FSHR: variants seen among roughly 807,000 people sequenced by gnomAD.
FSHR encodes follicle-stimulating hormone receptor.
FSHR carries 46 observed loss-of-function variants against 52.1 expected under a neutral mutation model. The observed-to-expected ratio is 0.88, with a 90% CI of 0.70 to 1.13. FSHR has a LOEUF of 1.13. Ranked by LOEUF, FSHR falls within the 50% of genes most tolerant of loss-of-function variation. The pLI, the probability that FSHR is intolerant of heterozygous loss-of-function variation, is 0.00. For synonymous variants in FSHR, 399 were observed against 309.6 expected (o/e 1.29, Z -3.03); for missense variants, 964 against 834.6 (o/e 1.16, Z -1.91).
chr2:49,056,345 A>G (rs1227009771), intron 2 of FSHR, among the ~76,000 whole-genome samples: 12 of 151,826 alleles, frequency 7.9e-5, no homozygotes, highest in Admixed American at 1.3e-4. Context: ...CTATACTTAC[A>G]TCAGAAAAAC....
chr2:49,014,458 C>G (rs1667408508), intron 4 of FSHR, among the ~76,000 whole-genome samples: 1 of 151,302 alleles, frequency 6.6e-6, no homozygotes, highest in African/African-American at 2.5e-5. Context: ...GAGGCAAAGG[C>G]ATAGCTCTGT....
rs541054287 is a variant in FSHR at position 49,145,009 on chromosome 2, A to C, written c.152+9257T>G. The stretch of plus-strand genomic sequence containing the variant: ...TTTTTGGAGGGCTATGGCCTTTGTT[A>C]AGATTAGCTCTGGTCTTTTACTAGA... On this transcript the variant is annotated intron_variant, in intron 1 of 9. Coordinates refer to ENST00000406846, the MANE Select transcript of FSHR (RefSeq NM_000145.4). 2.0e-5 allele frequency among the ~76,000 whole-genome samples: 3 copies of C among 152,190 alleles called. No homozygotes were observed. The South Asian group carries it at 6.2e-4, about 32-fold the overall frequency.
At chr2:48,984,713 G>C (rs371881154) in intron 6 of FSHR, among the ~76,000 whole-genome samples, 1 of 151,944 alleles carries the variant, frequency 6.6e-6, no homozygotes, top group East Asian at 1.9e-4. Flanking sequence ...TTGGCCTCTG[G>C]GTTATATGTA....
chr2:49,025,307 C>G (rs1040369371), intron 2 of FSHR, among the ~76,000 whole-genome samples: 1 of 152,106 alleles, frequency 6.6e-6, no homozygotes, highest in African/African-American at 2.4e-5. Flanking sequence ...TAAAATGGAT[C>G]CTTGGTTCAT....
chr2:49,080,972 G>C (rs1413504545), intron 1 of FSHR, among the ~76,000 whole-genome samples: 1 of 152,132 alleles, frequency 6.6e-6, no homozygotes. Flanking sequence ...ATTCAAACTA[G>C]CCAATCTTAA....
chr2:49,054,648 G>A (rs909392949), intron 2 of FSHR, among the ~76,000 whole-genome samples: 3 of 152,100 alleles, frequency 2.0e-5, no homozygotes, highest in Non-Finnish European at 4.4e-5. Context: ...GTTGGCCAAC[G>A]CACTGTGTGC....
intron 9 of FSHR, among the ~76,000 whole-genome samples, chr2:48,967,316 C>G (rs766129642): frequency 5.3e-5 from 8 of 152,096 alleles, no homozygotes; most frequent in Non-Finnish European, 1.2e-4. Context: ...CCAGGCTGGT[C>G]TCAAACTCCT....
intron 2 of FSHR, among the ~76,000 whole-genome samples, chr2:49,031,266 T>C (rs753046859): frequency 3.3e-5 from 5 of 152,308 alleles, no homozygotes; most frequent in African/African-American, 7.2e-5. Context: ...TGTACCCCTA[T>C]TGATGTGTAT....
At chr2:49,144,674 C>T (rs1672807446) in intron 1 of FSHR, among the ~76,000 whole-genome samples, 1 of 152,100 alleles carries the variant, frequency 6.6e-6, no homozygotes, top group Admixed American at 6.6e-5. Flanking sequence ...GCACTGCTTG[C>T]CCACAAAACA....
chr2:49,114,969 T>C (rs1163116488), intron 1 of FSHR, among the ~76,000 whole-genome samples: 1 of 151,786 alleles, frequency 6.6e-6, no homozygotes, highest in Admixed American at 6.6e-5. Context: ...AATGCTAGAA[T>C]TTGGTTTAAA....
intron 2 of FSHR, among the ~76,000 whole-genome samples, chr2:49,021,499 A>C (rs1667695047): frequency 6.6e-6 from 1 of 152,042 alleles, no homozygotes; most frequent in Non-Finnish European, 1.5e-5. Flanking sequence ...CCTAGGATTT[A>C]GCGGAAGAGT....
At chr2:49,053,537 G>A (rs762889293) in intron 2 of FSHR, among the ~76,000 whole-genome samples, 2 of 152,156 alleles carry the variant, frequency 1.3e-5, no homozygotes, top group Non-Finnish European at 2.9e-5. Context: ...GCCACTTCAT[G>A]TTGCAGAGAG....
At chr2:49,027,593 T>A (rs1223315954) in intron 2 of FSHR, among the ~76,000 whole-genome samples, 1 of 152,206 alleles carries the variant, frequency 6.6e-6, no homozygotes, top group South Asian at 2.1e-4. Flanking sequence ...CTCACGCCTA[T>A]AATCCCAGCA....
intron 1 of FSHR, among the ~76,000 whole-genome samples, chr2:49,088,566 T>G (rs921563513): frequency 2.6e-5 from 4 of 152,218 alleles, no homozygotes; most frequent in African/African-American, 7.2e-5. Context: ...CACTGTAGTT[T>G]CAGGCAGAAT....
intron 6 of FSHR, among the ~76,000 whole-genome samples, chr2:48,987,416 T>C (rs924434625): frequency 6.6e-6 from 1 of 151,982 alleles, no homozygotes; most frequent in African/African-American, 2.4e-5. Flanking sequence ...TTCACTGTAT[T>C]AGACAGGATT....
chr2:49,081,662 A>T (rs1670175533), intron 1 of FSHR, among the ~76,000 whole-genome samples: 1 of 152,192 alleles, frequency 6.6e-6, no homozygotes, highest in Admixed American at 6.5e-5. Context: ...GACACTAAAA[A>T]AAATTTTTTT....
intron 1 of FSHR, among the ~76,000 whole-genome samples, chr2:49,103,985 T>TA (rs1553347287): frequency 6.6e-6 from 1 of 151,818 alleles, no homozygotes; most frequent in Non-Finnish European, 1.5e-5. Context: ...TTTTTTTTTT[T>TA]ATCCTCTAAA....
At chr2:49,043,308 T>G (rs1331788312) in intron 2 of FSHR, among the ~76,000 whole-genome samples, 1 of 152,084 alleles carries the variant, frequency 6.6e-6, no homozygotes, top group Non-Finnish European at 1.5e-5. Context: ...GGTGGGGTAG[T>G]GGTGTGCACA....
chr2:49,081,873 G>T (rs1288984959), intron 1 of FSHR, among the ~76,000 whole-genome samples: 1 of 152,188 alleles, frequency 6.6e-6, no homozygotes, highest in African/African-American at 2.4e-5. Flanking sequence ...CGGTTTAAAA[G>T]ATTCCATAGA....
Sources: allele counts gnomAD v4.1 joint callset (sites outside exome capture counted in the v4.1 genomes callset), GRCh38; gene constraint gnomAD v4.1.1; transcripts MANE v1.5; gene names NCBI Gene and HGNC (gene_info 2026-07-23, HGNC 2026-07-21).